The following CERT1 variants were observed in gnomAD, a reference collection of about 807,000 sequenced individuals.
The protein encoded by CERT1 is ceramide transporter 1, also known as ceramide transfer protein.
In CERT1, 31 loss-of-function variants were observed where a neutral mutation model predicts 87.9. That is an observed-to-expected ratio of 0.35 (90% CI 0.27 to 0.48). The LOEUF is 0.48. CERT1 is among the 20% of genes least tolerant of loss of function. The probability of loss-of-function intolerance (pLI) is 0.99; values close to 1 mark genes in which losing one functional copy is unlikely to be tolerated. For synonymous variants in CERT1, 289 were observed against 250.9 expected, an observed-to-expected ratio of 1.15 and a Z score of -1.44; for missense variants, 487 against 758.0, an observed-to-expected ratio of 0.64 and a Z score of 4.20.
intron 3 of CERT1, among the ~76,000 whole-genome samples, chr5:75,444,539 TTTTC>T (rs1464641380): frequency 6.7e-6 from 1 of 149,218 alleles, no homozygotes; most frequent in African/African-American, 2.5e-5. Flanking sequence ...TTGATTTTGC[TTTTC>T]TTTTCTTTTT....
chr5:75,399,031 C>G lies in CERT1; in HGVS notation c.1188+279G>C, dbSNP rs149234424. ...GAAGAAACAGATATTACATGATATA[C>G]AAAACCCAGTATCTTCTATTTGTTT... On this transcript the variant is annotated intron_variant, in intron 11 of 16. Transcript: ENST00000643780. Among the ~76,000 whole-genome samples the G allele has an allele frequency of 6.5e-4, 99 of 152,256 alleles. 2 individuals carry two copies. Among genetic ancestry groups the G allele is most frequent in the African/African-American group, 2.3e-3 (94 of 41,560 alleles).
intron 12 of CERT1, 46 bp from the exon 13 acceptor site, chr5:75,386,080 G>A: frequency 7.2e-7 from 1 of 1,394,440 alleles, no homozygotes; most frequent in Non-Finnish European, 9.4e-7. Flanking sequence ...TAAAAATCAA[G>A]CCCATAAAAG....
At chr5:75,402,419 T>A (rs976453641) in intron 9 of CERT1, 2 of 152,204 alleles carry the variant, frequency 1.3e-5, no homozygotes, top group African/African-American at 2.4e-5. Context: ...TAAGTTCATG[T>A]TAATTACGCA....
At chr5:75,426,230 A>G in intron 4 of CERT1, 141 bp downstream of exon 4, 2 of 496,446 alleles carry the variant, frequency 4.0e-6, no homozygotes, top group Non-Finnish European at 7.3e-6. Context: ...TTATACCTTA[A>G]AAAGTACTTC....
intron 7 of CERT1, among the ~76,000 whole-genome samples, chr5:75,412,954 TA>T (rs1561244737): frequency 1.3e-5 from 2 of 152,232 alleles, no homozygotes; most frequent in African/African-American, 4.8e-5. Flanking sequence ...TTTTACTTTA[TA>T]AACTTTTTAA....
chr5:75,450,916 C>T (rs375026389), intron 3 of CERT1, among the ~76,000 whole-genome samples: 1 of 152,156 alleles, frequency 6.6e-6, no homozygotes, highest in East Asian at 1.9e-4. Flanking sequence ...TGGGCACATG[C>T]TCTCAGGACC....
intron 2 of CERT1, among the ~76,000 whole-genome samples, chr5:75,467,895 T>C (rs1439039664): frequency 6.6e-6 from 1 of 152,318 alleles, no homozygotes; most frequent in Non-Finnish European, 1.5e-5. Flanking sequence ...ACTGGATGAA[T>C]AAATGGAACC....
intron 8 of CERT1, among the ~76,000 whole-genome samples, chr5:75,404,787 T>C (rs1328660719): frequency 6.6e-6 from 1 of 151,860 alleles, no homozygotes; most frequent in Non-Finnish European, 1.5e-5. Flanking sequence ...GGAGGGGAGA[T>C]CACATGAGGC....
intron 5 of CERT1, among the ~76,000 whole-genome samples, chr5:75,420,203 C>T (rs1763311879): frequency 6.6e-6 from 1 of 151,866 alleles, no homozygotes; most frequent in Non-Finnish European, 1.5e-5. Flanking sequence ...GGTTTCGAAA[C>T]TCCTGGCCTC....
intron 11 of CERT1, among the ~76,000 whole-genome samples, chr5:75,394,691 T>G (rs1323736319): frequency 6.6e-6 from 1 of 151,870 alleles, no homozygotes; most frequent in East Asian, 1.9e-4. Context: ...ACCACTGCAC[T>G]CCAGTCTGGG....
intron 2 of CERT1, among the ~76,000 whole-genome samples, chr5:75,500,436 A>C (rs1344700526): frequency 1.3e-5 from 2 of 152,182 alleles, no homozygotes; most frequent in Non-Finnish European, 2.9e-5. Flanking sequence ...GCCTCTTACC[A>C]AATATTTTAA....
In CERT1 at chr5:75,425,385, T is replaced by C; in HGVS notation, c.571A>G (p.Lys191Glu). 1 of 1,614,034 alleles carries C rather than the reference T, an allele frequency of 6.2e-7. No individual in the cohort carries two copies. ...CCTTTATCCCTTTGAAGTTCATCCT[T>C]AGAGACAGCATCAGCACAGGCATCA... The part of the protein sequence containing the change: ...YFDACADAVS[K>E]DELQRDKVVE... Residue 191 changes from lysine to glutamate, a missense_variant, in exon 5 of 17, where the codon AAG (lysine) becomes GAG (glutamate). Lys to Glu is a moderately conservative substitution (Grantham distance 56). Transcript: ENST00000643780.
chr5:75,402,809 A>T, intron 9 of CERT1, 163 bp downstream of exon 9: 1 of 510,786 alleles, frequency 2.0e-6, no homozygotes, highest in Non-Finnish European at 3.5e-6. Context: ...CAAAAAAAAA[A>T]AAAAAGATTA....
At position 75,459,094 on chromosome 5, in the gene CERT1, G is replaced by C; in HGVS notation, c.319C>G (p.Gln107Glu). 6.2e-7 allele frequency: 1 copy of C among 1,607,940 alleles called. No individual in the cohort carries two copies. Among genetic ancestry groups the C allele is most frequent in the Non-Finnish European group, 8.5e-7 (1 of 1,174,580 alleles). ...LRAQDPDHRQ[Q>E]WIDAIEQHKT... Reference sequence around the variant, plus strand: ...TGCTGTTCAATGGCATCTATCCATTGCTGTCTATGATCTGGATCCTGAGCA... The same window carrying C: ...TGCTGTTCAATGGCATCTATCCATTCCTGTCTATGATCTGGATCCTGAGCA... The change falls in exon 3 of 17, where the codon CAA (glutamine) becomes GAA (glutamate). Residue 107 changes from glutamine to glutamate, a missense_variant. Coordinates refer to ENST00000643780, the MANE Select transcript of CERT1 (RefSeq NM_001379029.1).
chr5:75,420,305 T>A (rs1449133959), intron 5 of CERT1, among the ~76,000 whole-genome samples: 1 of 151,538 alleles, frequency 6.6e-6, no homozygotes, highest in Non-Finnish European at 1.5e-5. Context: ...CTATTTCTGA[T>A]GTGCAAGGAA....
chr5:75,491,439 GTACTTA>G (rs1185137754), intron 2 of CERT1, among the ~76,000 whole-genome samples: 1 of 151,952 alleles, frequency 6.6e-6, no homozygotes, highest in Non-Finnish European at 1.5e-5. Context: ...GCCCTTTAAA[GTACTTA>G]TACTTTGAAA....
chr5:75,392,382 T>TA (rs1333576943), intron 11 of CERT1, among the ~76,000 whole-genome samples: 1 of 152,178 alleles, frequency 6.6e-6, no homozygotes, highest in East Asian at 1.9e-4. Flanking sequence ...ACTGTGCTCC[T>TA]AAAAAACTAA....
At chr5:75,471,813 T>C (rs966556992) in intron 2 of CERT1, among the ~76,000 whole-genome samples, 2 of 150,454 alleles carry the variant, frequency 1.3e-5, no homozygotes, top group African/African-American at 2.4e-5. Flanking sequence ...CATCACTGTG[T>C]GACACATGAC....
intron 2 of CERT1, among the ~76,000 whole-genome samples, chr5:75,480,297 T>C (rs964121511): frequency 1.3e-5 from 2 of 152,206 alleles, no homozygotes; most frequent in Non-Finnish European, 2.9e-5. Context: ...ACAAAAACGA[T>C]ACTTAAAAAT....
Sources: gnomAD v4.1 joint callset for allele counts (sites outside exome capture counted in the v4.1 genomes callset) on GRCh38, gnomAD v4.1.1 for gene constraint, MANE v1.5 for transcripts, NCBI Gene and HGNC (gene_info 2026-07-23, HGNC 2026-07-21) for gene names.